The following RGS8 variants were observed in gnomAD, a reference collection of about 807,000 sequenced individuals.
The protein encoded by RGS8 is regulator of G protein signaling 8, also known as regulator of G-protein signaling 8.
Under a neutral mutation model 21.7 loss-of-function variants are expected in RGS8, and 8 were observed. The ratio of observed to expected loss-of-function variants is 0.37; its 90% CI spans 0.22 to 0.66. RGS8 has a LOEUF of 0.66. Ranked by LOEUF, RGS8 falls within the 30% of genes least tolerant of loss-of-function variation. The pLI, the probability that RGS8 is intolerant of heterozygous loss-of-function variation, is 0.59. For synonymous variants in RGS8, 80 were observed against 83.6 expected (o/e 0.96, Z 0.24); for missense variants, 157 against 217.9 (o/e 0.72, Z 1.76).
the RGS8 span, among the ~76,000 whole-genome samples, chr1:182,697,249 A>T: frequency 6.6e-6 from 1 of 152,226 alleles, no homozygotes; most frequent in Non-Finnish European, 1.5e-5. Context: ...AATCTACCAC[A>T]ATCTTGGTAC....
At chr1:182,661,664 A>C (rs553869306) in intron 5 of RGS8, among the ~76,000 whole-genome samples, 1 of 152,322 alleles carries the variant, frequency 6.6e-6, no homozygotes, top group Non-Finnish European at 1.5e-5. Context: ...AGTTTGCATG[A>C]ATCTTGTGAG....
Position 182,665,500 on chromosome 1 carries a change from C to G in RGS8, c.193+469G>C, listed in dbSNP as rs188863152. On this transcript the variant is annotated intron_variant, in intron 5 of 6. Transcript: ENST00000483095. ...CAGCTGGGATAGCAAACCCTCAAAA[C>G]AAAAAGCAACAATAAAACTCAAAAA... 2.5e-3 allele frequency among the ~76,000 whole-genome samples: 383 copies of G among 152,174 alleles called. 2 individuals are homozygous for G. The highest frequency in any genetic ancestry group is 8.8e-3 in the African/African-American group (365 of 41,526).
At chr1:182,744,246 G>A in the RGS8 span, among the ~76,000 whole-genome samples, 8 of 151,814 alleles carry the variant, frequency 5.3e-5, no homozygotes, top group Non-Finnish European at 7.4e-5. Flanking sequence ...TCCTGGGCTC[G>A]AGAGTAGCTG....
At chr1:182,727,290 C>G in the RGS8 span, among the ~76,000 whole-genome samples, 1 of 152,178 alleles carries the variant, frequency 6.6e-6, no homozygotes, top group African/African-American at 2.4e-5. Flanking sequence ...TAATAATAGC[C>G]AGACCTCATG....
chr1:182,747,043 C>CTT, the RGS8 span, among the ~76,000 whole-genome samples: 13 of 21,048 alleles, frequency 6.2e-4, 4 homozygotes, highest in African/African-American at 1.3e-3. Flanking sequence ...CACTGCTGGT[C>CTT]TTTTTTTTTT....
chr1:182,668,199 T>C lies in RGS8; in HGVS notation c.27-1226A>G, dbSNP rs149367158. Among the ~76,000 whole-genome samples the C allele has an allele frequency of 7.6e-4, 116 of 152,314 alleles. 1 individual carries two copies. The highest frequency in any genetic ancestry group is 2.6e-3 in the African/African-American group (107 of 41,564). ...TTCTCTAGCCCTTGACAGAATAAGT[T>C]TGCTGACCCCTCACCTTTAACTATG... On this transcript the variant is annotated intron_variant, in intron 3 of 6. Coordinates refer to ENST00000483095, the Ensembl canonical transcript of RGS8.
downstream of RGS8, chr1:182,642,914 C>G (rs936884811): frequency 6.6e-5 from 10 of 152,236 alleles, no homozygotes; most frequent in African/African-American, 2.4e-4. Context: ...TACCACGACG[C>G]TCTTCACTCA....
exon 6 of RGS8, chr1:182,648,177 C>A (rs571346744): frequency 6.2e-7 from 1 of 1,613,410 alleles, no homozygotes; most frequent in African/African-American, 1.3e-5. Flanking sequence ...CTCAAAGATC[C>A]TATGGGCCTT....
chr1:182,681,151 G>C (rs1462784488), intron 1 of RGS8, among the ~76,000 whole-genome samples: 2 of 152,216 alleles, frequency 1.3e-5, no homozygotes, highest in East Asian at 3.8e-4. Flanking sequence ...CCCACACCCA[G>C]TGGGGAGAGG....
chr1:182,668,349 G>A (rs1336409113), intron 3 of RGS8, among the ~76,000 whole-genome samples: 1 of 152,230 alleles, frequency 6.6e-6, no homozygotes, highest in Non-Finnish European at 1.5e-5. Flanking sequence ...CACAGAAATA[G>A]TCCTAGAAGA....
intron 3 of RGS8, among the ~76,000 whole-genome samples, chr1:182,668,695 G>A (rs1055428563): frequency 2.0e-5 from 3 of 152,134 alleles, no homozygotes; most frequent in East Asian, 3.8e-4. Flanking sequence ...CAGCCAGGCC[G>A]CATTGTGAAG....
chr1:182,739,512 G>T, the RGS8 span, among the ~76,000 whole-genome samples: 1 of 152,004 alleles, frequency 6.6e-6, no homozygotes, highest in South Asian at 2.1e-4. Flanking sequence ...AAGAATTGGG[G>T]TTTCTTTTAA....
chr1:182,659,444 T>C (rs1053145822), intron 5 of RGS8, among the ~76,000 whole-genome samples: 1 of 152,228 alleles, frequency 6.6e-6, no homozygotes, highest in African/African-American at 2.4e-5. Context: ...CTCACGCCTA[T>C]AGTCTCAGCA....
upstream of RGS8, chr1:182,672,894 C>G (rs1321477540): frequency 1.2e-6 from 2 of 1,601,108 alleles, no homozygotes; most frequent in Admixed American, 1.7e-5. Context: ...TGTAGTGGTT[C>G]TCCAAGCGTG....
the RGS8 span, among the ~76,000 whole-genome samples, chr1:182,719,442 ATTTTTC>A: frequency 6.8e-6 from 1 of 147,738 alleles, no homozygotes; most frequent in Admixed American, 6.8e-5. Context: ...AGTAAACTCT[ATTTTTC>A]TTTTTCTTTC....
At chr1:182,749,247 C>A in the RGS8 span, among the ~76,000 whole-genome samples, 3 of 152,276 alleles carry the variant, frequency 2.0e-5, no homozygotes, top group African/African-American at 7.2e-5. Context: ...AGTCTTTAAT[C>A]TATTTTGAGT....
exon 7 of RGS8, chr1:182,646,620 C>G (rs771042622): frequency 3.1e-5 from 29 of 945,330 alleles, no homozygotes; most frequent in African/African-American, 8.2e-5. Context: ...TCACCCCCAG[C>G]CTCCCACCCC....
At chr1:182,717,448 G>A in the RGS8 span, among the ~76,000 whole-genome samples, 1 of 152,146 alleles carries the variant, frequency 6.6e-6, no homozygotes, top group African/African-American at 2.4e-5. Flanking sequence ...TGAAATTGTT[G>A]AGATAAGATG....
At chr1:182,665,906 T>TTGG in intron 5 of RGS8, 63 bp downstream of exon 6, 1 of 1,436,696 alleles carries the variant, frequency 7.0e-7, no homozygotes, top group Middle Eastern at 1.7e-4. Flanking sequence ...TCACAGGCCT[T>TTGG]TGGTACATCT....
Sources: allele counts gnomAD v4.1 joint callset (sites outside exome capture counted in the v4.1 genomes callset), GRCh38; gene constraint gnomAD v4.1.1; transcripts MANE v1.5; gene names NCBI Gene and HGNC (gene_info 2026-07-23, HGNC 2026-07-21).